The following PACRG variants were observed in gnomAD, a reference collection of about 807,000 sequenced individuals.
PACRG encodes parkin coregulated, also known as parkin coregulated gene protein.
A neutral mutation model predicts 29.7 loss-of-function variants in PACRG; 29 were observed. That is an observed-to-expected ratio of 0.98 (90% CI 0.73 to 1.33). PACRG has a LOEUF of 1.33. Ranked by LOEUF, PACRG falls within the 40% of genes most tolerant of loss-of-function variation. PACRG has a pLI of 0.00. For synonymous variants in PACRG, 116 were observed against 118.7 expected, an observed-to-expected ratio of 0.98 and a Z score of 0.15; for missense variants, 279 against 316.2, an observed-to-expected ratio of 0.88 and a Z score of 0.89.
At chr6:163,302,023 C>T (rs1333158937) in intron 4 of PACRG, among the ~76,000 whole-genome samples, 1 of 152,194 alleles carries the variant, frequency 6.6e-6, no homozygotes, top group African/African-American at 2.4e-5. Flanking sequence ...CCATCGGGTA[C>T]ACTAAACTGA....
At chr6:163,011,605 C>T (rs1359784662) in intron 2 of PACRG, among the ~76,000 whole-genome samples, 1 of 152,076 alleles carries the variant, frequency 6.6e-6, no homozygotes, top group East Asian at 1.9e-4. Flanking sequence ...GGCTACACTC[C>T]ATTTATACAA....
intron 4 of PACRG, among the ~76,000 whole-genome samples, chr6:163,208,586 G>C (rs1020947463): frequency 6.6e-6 from 1 of 152,146 alleles, no homozygotes; most frequent in Non-Finnish European, 1.5e-5. Flanking sequence ...CTAAGCACAC[G>C]TTTGGATTTC....
intron 2 of PACRG, among the ~76,000 whole-genome samples, chr6:162,815,266 TTTTAA>T (rs1353508966): frequency 6.6e-6 from 1 of 151,990 alleles, no homozygotes; most frequent in Non-Finnish European, 1.5e-5. Flanking sequence ...CAGGAATTGT[TTTTAA>T]TTAGTAACAA....
At chr6:162,997,280 A>C (rs1009031785) in intron 2 of PACRG, 4 of 317,580 alleles carry the variant, frequency 1.3e-5, no homozygotes, top group African/African-American at 6.7e-5. Flanking sequence ...TGCTGACTAT[A>C]ATTGGATTGT....
intron 1 of PACRG, among the ~76,000 whole-genome samples, chr6:162,770,301 C>A (rs902589200): frequency 6.6e-6 from 1 of 152,148 alleles, no homozygotes; most frequent in Admixed American, 6.5e-5. Context: ...TTTCTTGGCA[C>A]AACTACCCAG....
chr6:163,037,031 T>A (rs1439182189), intron 2 of PACRG, among the ~76,000 whole-genome samples: 1 of 152,176 alleles, frequency 6.6e-6, no homozygotes, highest in Non-Finnish European at 1.5e-5. Context: ...AGTGTGTGTG[T>A]GCATGCATGT....
At chr6:162,901,864 T>C (rs1359570948) in intron 2 of PACRG, among the ~76,000 whole-genome samples, 2 of 152,226 alleles carry the variant, frequency 1.3e-5, no homozygotes, top group Non-Finnish European at 2.9e-5. Context: ...ACCAAAAAAA[T>C]ATTTGCCACA....
intron 2 of PACRG, among the ~76,000 whole-genome samples, chr6:162,841,393 G>A (rs1352436044): frequency 1.3e-5 from 2 of 151,904 alleles, no homozygotes; most frequent in African/African-American, 4.8e-5. Context: ...AGAGGTGTTT[G>A]TAGTATTCTC....
At chr6:162,828,799 T>C (rs566264160) in intron 2 of PACRG, among the ~76,000 whole-genome samples, 1 of 152,108 alleles carries the variant, frequency 6.6e-6, no homozygotes, top group African/African-American at 2.4e-5. Context: ...TGCAGTGATA[T>C]CAAAAAGAAT....
At chr6:162,791,459 G>C (rs73603809) in intron 1 of PACRG, among the ~76,000 whole-genome samples, 7,762 of 151,910 alleles carry the variant, frequency 0.051, 681 homozygotes, top group African/African-American at 0.18. Context: ...TCTTTTATCT[G>C]CTATTTTCTT....
chr6:163,251,884 G>C (rs1782917586), intron 4 of PACRG, among the ~76,000 whole-genome samples: 2 of 152,158 alleles, frequency 1.3e-5, no homozygotes, highest in African/African-American at 4.8e-5. Context: ...GAGCGACCTT[G>C]GGTAAATTGC....
intron 4 of PACRG, chr6:163,112,218 A>C (rs1815754130): frequency 5.3e-6 from 1 of 189,974 alleles, no homozygotes; most frequent in African/African-American, 2.4e-5. Flanking sequence ...GGATTGAAAC[A>C]TTCACAGAAA....
intron 2 of PACRG, among the ~76,000 whole-genome samples, chr6:162,961,132 G>C (rs1440926198): frequency 1.3e-5 from 2 of 152,200 alleles, no homozygotes; most frequent in Non-Finnish European, 2.9e-5. Flanking sequence ...ACTCAAACGA[G>C]GCAAGAAGGA....
intron 4 of PACRG, among the ~76,000 whole-genome samples, chr6:163,277,085 A>G (rs1015113220): frequency 6.6e-6 from 1 of 151,978 alleles, no homozygotes; most frequent in South Asian, 2.1e-4. Context: ...TTTATCTTTC[A>G]TCATTTTATT....
chr6:162,893,314 G>T (rs6905932), intron 2 of PACRG, among the ~76,000 whole-genome samples: 1 of 152,004 alleles, frequency 6.6e-6, no homozygotes, highest in African/African-American at 2.4e-5. Flanking sequence ...GCCTCGGCTC[G>T]ACTGGCAGTG....
chr6:162,817,173 G>A (rs1002626204), intron 2 of PACRG, among the ~76,000 whole-genome samples: 1 of 152,180 alleles, frequency 6.6e-6, no homozygotes, highest in South Asian at 2.1e-4. Flanking sequence ...AGCCTCTCAC[G>A]GTCATTCCAG....
At chr6:162,982,113 T>G (rs1469080427) in intron 2 of PACRG, among the ~76,000 whole-genome samples, 5 of 152,104 alleles carry the variant, frequency 3.3e-5, no homozygotes, top group African/African-American at 1.2e-4. Context: ...AACAATCTTT[T>G]GTATTTCTCT....
intron 2 of PACRG, among the ~76,000 whole-genome samples, chr6:162,962,893 G>A (rs1800744453): frequency 1.3e-5 from 2 of 152,146 alleles, no homozygotes; most frequent in Admixed American, 1.3e-4. Flanking sequence ...ACGTGCCTCT[G>A]TTCAGGTTGT....
At chr6:163,045,621 CT>C (rs11326242) in intron 2 of PACRG, among the ~76,000 whole-genome samples, 46,290 of 105,726 alleles carry the variant, frequency 0.44, 9,905 homozygotes, top group East Asian at 0.92. Context: ...CTGCGCCCAG[CT>C]TTTTTTTTTT....
Sources: gnomAD v4.1 joint callset for allele counts (sites outside exome capture counted in the v4.1 genomes callset) on GRCh38, gnomAD v4.1.1 for gene constraint, MANE v1.5 for transcripts, NCBI Gene and HGNC (gene_info 2026-07-23, HGNC 2026-07-21) for gene names.